INPP5D: variants seen among roughly 807,000 people sequenced by gnomAD.
INPP5D encodes phosphatidylinositol 3,4,5-trisphosphate 5-phosphatase 1.
A neutral mutation model predicts 122.9 loss-of-function variants in INPP5D; 33 were observed. The observed-to-expected ratio is 0.27, with a 90% confidence interval of 0.20 to 0.36. INPP5D has a LOEUF of 0.36. Among genes scored for constraint, INPP5D ranks in the 10% least tolerant of loss-of-function variants. The pLI is 1.00. For synonymous variants in INPP5D, 584 were observed against 576.2 expected (o/e 1.01, Z -0.19); for missense variants, 1,053 against 1,412.7 (o/e 0.75, Z 4.08).
At chr2:233,152,535 G>A (rs1693947930) in intron 9 of INPP5D, among the ~76,000 whole-genome samples, 1 of 152,184 alleles carries the variant, frequency 6.6e-6, no homozygotes, top group African/African-American at 2.4e-5. Context: ...TACAAACCAG[G>A]AATGTGTCAG....
intron 17 of INPP5D, among the ~76,000 whole-genome samples, chr2:233,172,692 G>A (rs546128116): frequency 2.5e-4 from 38 of 152,286 alleles, no homozygotes; most frequent in Admixed American, 5.9e-4. Flanking sequence ...GCTTAACAAC[G>A]GGGATATGTT....
Position 233,060,375 on chromosome 2 carries a change from G to A in INPP5D, c.-104G>A. On this transcript the variant is annotated 5_prime_UTR_variant, in exon 1 of 27. Transcript: ENST00000445964. Reference sequence around the variant, plus strand: ...TGGTGGCAGCAGCCGAGGCCACCAAGAGGCAACGGGCGGCAGGTTGCAGTG... The same window carrying A: ...TGGTGGCAGCAGCCGAGGCCACCAAAAGGCAACGGGCGGCAGGTTGCAGTG... The A allele has an allele frequency of 1.5e-6, 2 of 1,352,502 alleles. No homozygotes were observed. Among genetic ancestry groups the A allele is most frequent in the East Asian group, 5.1e-5 (2 of 39,404 alleles). The allele number at this position is 1,352,502 out of a possible 1,614,324, so 83.8% of individuals were successfully genotyped here.
At chr2:233,182,541 A>G (rs1196772925) in intron 19 of INPP5D, 42 bp downstream of exon 19, 2 of 1,608,078 alleles carry the variant, frequency 1.2e-6, no homozygotes, top group Admixed American at 3.3e-5. Flanking sequence ...TTCCTCAATG[A>G]CAAGGAGTGT....
At chr2:233,072,350 G>A (rs1286230972) in intron 1 of INPP5D, among the ~76,000 whole-genome samples, 1 of 152,086 alleles carries the variant, frequency 6.6e-6, no homozygotes, top group African/African-American at 2.4e-5. Flanking sequence ...GTTTATATAT[G>A]TGAAACCATT....
chr2:233,080,871 T>TGAGA (rs1405513689), intron 2 of INPP5D, among the ~76,000 whole-genome samples: 2 of 152,092 alleles, frequency 1.3e-5, no homozygotes, highest in Non-Finnish European at 2.9e-5. Flanking sequence ...GCGATGTGAT[T>TGAGA]GAGAGAGGCC....
At chr2:233,062,616 A>G (rs1374937284) in intron 1 of INPP5D, among the ~76,000 whole-genome samples, 1 of 152,202 alleles carries the variant, frequency 6.6e-6, no homozygotes, top group Non-Finnish European at 1.5e-5. Flanking sequence ...TGGTGCCTAC[A>G]GATGTCCACT....
chr2:233,182,312 C>T lies in INPP5D; in HGVS notation c.2072-98C>T. 4 of 1,550,622 alleles carry T rather than the reference C, an allele frequency of 2.6e-6. No homozygotes were observed. The Admixed American group carries it at 5.6e-5, about 22-fold the overall frequency. ...CAAAACTTCGCACTTCTGGAGGGCT[C>T]CATAACTAAAGTTTCTTTCTGCTTT... On this transcript the variant is annotated intron_variant, in intron 18 of 26. Transcript: ENST00000445964.
At chr2:233,190,086 A>G (rs1386784375) in intron 22 of INPP5D, 149 bp downstream of exon 22, 4 of 1,320,774 alleles carry the variant, frequency 3.0e-6, no homozygotes, top group African/African-American at 1.5e-5. Flanking sequence ...GACCGTCACC[A>G]CTAAGTCATC....
intron 1 of INPP5D, among the ~76,000 whole-genome samples, chr2:233,065,115 CTG>C (rs1691175579): frequency 6.6e-6 from 1 of 152,122 alleles, no homozygotes; most frequent in Admixed American, 6.5e-5. Context: ...CACTCACTAA[CTG>C]TATCTTCCAT....
chr2:233,196,376 A>G (rs1286445166), intron 24 of INPP5D, among the ~76,000 whole-genome samples: 1 of 152,238 alleles, frequency 6.6e-6, no homozygotes, highest in Non-Finnish European at 1.5e-5. Flanking sequence ...TGATGTGTCC[A>G]GTTCTAGAGA....
intron 5 of INPP5D, among the ~76,000 whole-genome samples, chr2:233,139,223 G>A (rs1402384185): frequency 6.6e-6 from 1 of 152,144 alleles, no homozygotes; most frequent in African/African-American, 2.4e-5. Context: ...ACTCAAAATT[G>A]TCTGCCCCAC....
chr2:233,077,815 G>A (rs563480281), intron 1 of INPP5D, among the ~76,000 whole-genome samples: 4 of 151,124 alleles, frequency 2.6e-5, no homozygotes, highest in South Asian at 2.1e-4. Context: ...AGCCGAGATC[G>A]TGCCACTGCA....
In INPP5D at chr2:233,105,320, G is replaced by A. The variant is rs1031762993; in HGVS notation, c.199-16787G>A. Among the ~76,000 whole-genome samples, 2 of 152,176 alleles carry A rather than the reference G, an allele frequency of 1.3e-5. No individual in the cohort carries two copies. The highest frequency in any genetic ancestry group is 2.9e-5 in the Non-Finnish European group (2 of 68,032). Reference sequence around the variant, plus strand: ...CTATCTACACCTGTGCTTTGCCAGTGCCGCTCCCTTCGCCCGCCAGGGTGC... The same window carrying A: ...CTATCTACACCTGTGCTTTGCCAGTACCGCTCCCTTCGCCCGCCAGGGTGC... On this transcript the variant is annotated intron_variant, in intron 2 of 26. Transcript: ENST00000445964. This position sits in a 1 kb window ranked among gnomAD's most constrained non-coding sequence, Gnocchi z 4.0.
intron 9 of INPP5D, among the ~76,000 whole-genome samples, chr2:233,152,867 G>C (rs1268807739): frequency 6.6e-6 from 1 of 152,210 alleles, no homozygotes; most frequent in South Asian, 2.1e-4. Flanking sequence ...TTCAGCTGGG[G>C]GGGGTGTGGT....
rs987205793 is a variant in INPP5D, at chr2:233,100,468, C to T, written c.198+21070C>T. On this transcript the variant is annotated intron_variant, in intron 2 of 26. Transcript: ENST00000445964. This position sits in a 1 kb window ranked among gnomAD's most constrained non-coding sequence, Gnocchi z 5.3. ...TTGCCTGGGGTGGACGTCAAGCTCA[C>T]TACACTGTAAACTCCAAAACAGCCC... is the stretch of plus-strand genomic sequence containing the variant. Among the ~76,000 whole-genome samples, 4 of 152,194 alleles carry T rather than the reference C, an allele frequency of 2.6e-5. No individual in the cohort carries two copies. The highest frequency in any genetic ancestry group is 9.7e-5 in the African/African-American group (4 of 41,450).
rs576213529 is a variant in INPP5D, at chr2:233,130,505, T to C, written c.525-3T>C. 4 of 1,612,880 alleles carry C rather than the reference T, an allele frequency of 2.5e-6. 1 individual carries two copies. The highest frequency in any genetic ancestry group is 2.2e-5 in the South Asian group (2 of 90,916). On this transcript the variant is annotated splice_polypyrimidine_tract_variant and splice_region_variant and intron_variant, in intron 4 of 26. Coordinates refer to ENST00000445964, the MANE Select transcript of INPP5D (RefSeq NM_001017915.3). ...TAGTTTGTTTCTTTTTTCTTTTCTTTAGGCTTCCAGAAGAGCATCTTAAGG... is the reference window on the plus strand; with the variant it reads ...TAGTTTGTTTCTTTTTTCTTTTCTTCAGGCTTCCAGAAGAGCATCTTAAGG...
intron 1 of INPP5D, among the ~76,000 whole-genome samples, chr2:233,075,095 C>T (rs768924958): frequency 1.3e-5 from 2 of 152,170 alleles, no homozygotes; most frequent in Non-Finnish European, 2.9e-5. Context: ...CTCTTCTTTG[C>T]CTCCACACTC....
intron 1 of INPP5D, 145 bp downstream of exon 1, chr2:233,060,757 C>A: frequency 8.3e-7 from 1 of 1,201,098 alleles, no homozygotes; most frequent in African/African-American, 1.5e-5. Flanking sequence ...GGACCTTGTC[C>A]TTGGAGTTCA....
At chr2:233,106,309 G>T (rs1692469572) in intron 2 of INPP5D, among the ~76,000 whole-genome samples, 1 of 152,178 alleles carries the variant, frequency 6.6e-6, no homozygotes, top group African/African-American at 2.4e-5. Context: ...ATCATGTCCA[G>T]GTCTGTGCCT....
Sources: allele counts gnomAD v4.1 joint callset (sites outside exome capture counted in the v4.1 genomes callset), GRCh38; gene constraint gnomAD v4.1.1; non-coding constraint Gnocchi (gnomAD v3.1); transcripts MANE v1.5; gene names NCBI Gene and HGNC (gene_info 2026-07-23, HGNC 2026-07-21).